KALRN: variants seen among roughly 807,000 people sequenced by gnomAD.
KALRN encodes the protein kalirin RhoGEF kinase, also known as kalirin.
A neutral mutation model predicts 353.7 loss-of-function variants in KALRN; 70 were observed. The observed-to-expected ratio is 0.20, with a 90% confidence interval of 0.16 to 0.24. The LOEUF (loss-of-function observed/expected upper bound fraction) is 0.24, where lower values mean the gene tolerates loss of function less well. Ranked by LOEUF, KALRN falls within the 10% of genes least tolerant of loss-of-function variation. The pLI is 1.00. For missense variants in KALRN, 2,791 were observed against 3,756.7 expected, an observed-to-expected ratio of 0.74 and a Z score of 6.72; for synonymous variants, 1,391 against 1,434.8, an observed-to-expected ratio of 0.97 and a Z score of 0.69.
intron 37 of KALRN, among the ~76,000 whole-genome samples, chr3:124,650,287 G>A (rs896338717): frequency 8.5e-5 from 13 of 152,136 alleles, no homozygotes; most frequent in African/African-American, 1.9e-4. Flanking sequence ...CTATTATCTC[G>A]GCCTATTCCT....
At chr3:124,381,507 A>G (rs2087375750) in intron 10 of KALRN, among the ~76,000 whole-genome samples, 1 of 152,214 alleles carries the variant, frequency 6.6e-6, no homozygotes, top group Non-Finnish European at 1.5e-5. Flanking sequence ...CTTTTCTACT[A>G]GTAATGGGGA....
In KALRN at chr3:124,252,320, A is replaced by G. The variant is rs376043558; in HGVS notation, c.264-12178A>G. Among the ~76,000 whole-genome samples, 11 of 152,262 alleles carry G rather than the reference A, an allele frequency of 7.2e-5. No homozygotes were observed. In the South Asian group the frequency reaches 2.3e-3, roughly 32 times the overall value. On this transcript the variant is annotated intron_variant, in intron 3 of 59. Transcript: ENST00000682506. ...TCCAAACGGCTAAGATATCCAGCCG[A>G]CTGTGTGACCTAAAGCAAGTCACTT... is the stretch of plus-strand genomic sequence containing the variant.
intron 6 of KALRN, among the ~76,000 whole-genome samples, chr3:124,314,522 C>A (rs1484567115): frequency 6.6e-6 from 1 of 152,056 alleles, no homozygotes; most frequent in Non-Finnish European, 1.5e-5. Flanking sequence ...ATACCTGAAT[C>A]TGGGTAATTT....
chr3:124,624,054 TAAAC>T (rs2079637470), intron 34 of KALRN, among the ~76,000 whole-genome samples: 4 of 152,188 alleles, frequency 2.6e-5, no homozygotes, highest in South Asian at 2.1e-4. Flanking sequence ...ATTTCAGAAA[TAAAC>T]AGTTCATAAG....
intron 6 of KALRN, among the ~76,000 whole-genome samples, chr3:124,310,103 G>T (rs901168259): frequency 6.6e-6 from 1 of 151,978 alleles, no homozygotes; most frequent in African/African-American, 2.4e-5. Context: ...AAAATTAATT[G>T]TCTTTCCATG....
chr3:124,377,151 G>A (rs530333886), intron 10 of KALRN, among the ~76,000 whole-genome samples: 11 of 152,164 alleles, frequency 7.2e-5, no homozygotes, highest in African/African-American at 1.7e-4. Flanking sequence ...GTTATTTTAC[G>A]TCTCTGAGCC....
intron 33 of KALRN, among the ~76,000 whole-genome samples, chr3:124,551,169 G>A (rs1577916640): frequency 6.6e-6 from 1 of 152,114 alleles, no homozygotes; most frequent in East Asian, 1.9e-4. Context: ...GTGAGGCATG[G>A]GGAAGCAGTC....
intron 10 of KALRN, among the ~76,000 whole-genome samples, chr3:124,375,293 G>A (rs936402108): frequency 6.6e-6 from 1 of 152,170 alleles, no homozygotes; most frequent in South Asian, 2.1e-4. Context: ...GCCTCATTTT[G>A]GTCTCCTAAT....
chr3:124,204,081 T>A (rs2076195360), intron 1 of KALRN, among the ~76,000 whole-genome samples: 1 of 152,174 alleles, frequency 6.6e-6, no homozygotes, highest in Non-Finnish European at 1.5e-5. Flanking sequence ...CCACTGTAAT[T>A]GCAACCTCTT....
At chr3:124,377,081 AAGTTAT>A (rs1304095956) in intron 10 of KALRN, among the ~76,000 whole-genome samples, 18 of 152,292 alleles carry the variant, frequency 1.2e-4, no homozygotes, top group African/African-American at 3.6e-4. Flanking sequence ...AAAGTACTGG[AAGTTAT>A]AGTTAGAGAG....
chr3:124,525,828 A>G (rs192664066), intron 33 of KALRN, among the ~76,000 whole-genome samples: 1 of 152,258 alleles, frequency 6.6e-6, no homozygotes, highest in Non-Finnish European at 1.5e-5. Context: ...AGCCACAGGT[A>G]TAACCCTCAA....
At position 124,279,541 on chromosome 3, in the gene KALRN, A is replaced by G. The variant is rs2075129073; in HGVS notation, c.969+10286A>G. On this transcript the variant is annotated intron_variant, in intron 5 of 59. Coordinates refer to ENST00000682506, the MANE Select transcript of KALRN (RefSeq NM_001388419.1). ...GAAAGTAGGCAGCCTGTGGCAGCAG[A>G]GCATGGAGGTGAGGAACCTGGTGGC... 1.3e-5 allele frequency among the ~76,000 whole-genome samples: 2 copies of G among 152,182 alleles called. 1 individual carries two copies. Among genetic ancestry groups the G allele is most frequent in the South Asian group, 4.1e-4 (2 of 4,830 alleles).
At chr3:124,140,934 TA>T (rs761567183) in intron 1 of KALRN, among the ~76,000 whole-genome samples, 1 of 152,230 alleles carries the variant, frequency 6.6e-6, no homozygotes, top group Non-Finnish European at 1.5e-5. Flanking sequence ...AGAAGAATCT[TA>T]AAAATGCATA....
intron 15 of KALRN, among the ~76,000 whole-genome samples, chr3:124,426,758 C>T (rs1218367317): frequency 2.0e-5 from 3 of 152,110 alleles, no homozygotes; most frequent in Admixed American, 6.5e-5. Context: ...CTCTCCAAAC[C>T]CGAAAGAGTG....
At chr3:124,678,450 G>T in intron 50 of KALRN, 137 bp downstream of exon 50, 3 of 880,874 alleles carry the variant, frequency 3.4e-6, no homozygotes, top group South Asian at 1.9e-5. Context: ...TAGTTTAGCA[G>T]GATTTTGCAT....
chr3:124,605,846 A>G (rs2077288767), intron 34 of KALRN, among the ~76,000 whole-genome samples: 1 of 152,124 alleles, frequency 6.6e-6, no homozygotes, highest in Non-Finnish European at 1.5e-5. Context: ...ATAAACAAGA[A>G]CGGAGTAGCA....
chr3:124,115,843 A>G (rs985280595), intron 1 of KALRN, among the ~76,000 whole-genome samples: 2 of 152,224 alleles, frequency 1.3e-5, no homozygotes, highest in Non-Finnish European at 1.5e-5. Context: ...CAGAAGCTTC[A>G]TGAATTTAAA....
rs934048706 is a variant in KALRN, at chr3:124,712,924, T to C, written c.8076-11T>C. 34 of 1,599,918 alleles carry C rather than the reference T, an allele frequency of 2.1e-5. No homozygotes were observed. The highest frequency in any genetic ancestry group is 2.7e-5 in the African/African-American group (2 of 74,342). ...ATGAATGTTGGCAAACTCTCCCTTT[T>C]GTTTTTCCAGAGGCCGTTTCTCTAT... On this transcript the variant is annotated splice_polypyrimidine_tract_variant and intron_variant, in intron 57 of 59. Transcript: ENST00000682506.
intron 1 of KALRN, among the ~76,000 whole-genome samples, chr3:124,090,328 C>T (rs537792659): frequency 5.3e-5 from 8 of 152,254 alleles, no homozygotes; most frequent in Non-Finnish European, 7.3e-5. Context: ...CAGCAGAGGT[C>T]GGAGGTGAGC....
Sources: gnomAD v4.1 joint callset for allele counts (sites outside exome capture counted in the v4.1 genomes callset) on GRCh38, gnomAD v4.1.1 for gene constraint, MANE v1.5 for transcripts, NCBI Gene and HGNC (gene_info 2026-07-23, HGNC 2026-07-21) for gene names.